The following KALRN variants were observed in gnomAD, a reference collection of about 807,000 sequenced individuals.
KALRN encodes kalirin RhoGEF kinase, also known as kalirin.
In KALRN, 70 loss-of-function variants were observed where a neutral mutation model predicts 353.7. That is an observed-to-expected ratio of 0.20 (90% CI 0.16 to 0.24). The LOEUF is 0.24. Among genes scored for constraint, KALRN ranks in the 10% least tolerant of loss-of-function variants. KALRN has a pLI of 1.00. For missense variants in KALRN, 2,791 were observed against 3,756.7 expected, an observed-to-expected ratio of 0.74 and a Z score of 6.72; for synonymous variants, 1,391 against 1,434.8, an observed-to-expected ratio of 0.97 and a Z score of 0.69.
chr3:124,341,749 T>A (rs2081744854), intron 9 of KALRN, among the ~76,000 whole-genome samples: 1 of 152,132 alleles, frequency 6.6e-6, no homozygotes, highest in Non-Finnish European at 1.5e-5. Flanking sequence ...GGTTGGAGTC[T>A]AGTGTGAGAG....
intron 33 of KALRN, among the ~76,000 whole-genome samples, chr3:124,534,147 G>T (rs1489953834): frequency 6.6e-6 from 1 of 152,148 alleles, no homozygotes; most frequent in Non-Finnish European, 1.5e-5. Context: ...CACCCAAGAG[G>T]ATTCTAAGAT....
At chr3:124,557,100 C>T (rs2071356314) in intron 33 of KALRN, among the ~76,000 whole-genome samples, 1 of 152,050 alleles carries the variant, frequency 6.6e-6, no homozygotes, top group Admixed American at 6.6e-5. Context: ...ATGTTAGATT[C>T]AAGGGTTACA....
At chr3:124,385,155 T>A in intron 11 of KALRN, 119 bp downstream of exon 11, 1 of 763,448 alleles carries the variant, frequency 1.3e-6, no homozygotes, top group Non-Finnish European at 2.0e-6. Flanking sequence ...ACTAACTTCC[T>A]AACTTTGGTA....
intron 38 of KALRN, 50 bp downstream of exon 38, chr3:124,650,988 G>C: frequency 6.2e-7 from 1 of 1,603,796 alleles, no homozygotes; most frequent in Non-Finnish European, 8.5e-7. Flanking sequence ...GAGTGCGGTG[G>C]ACAATGGACA....
intron 51 of KALRN, chr3:124,679,891 T>G (rs754525098): frequency 6.6e-6 from 2 of 302,452 alleles, no homozygotes; most frequent in South Asian, 6.6e-5. Flanking sequence ...TGACAAGGAC[T>G]CATTTCGTGT....
chr3:124,185,916 G>A (rs76955908), intron 1 of KALRN, among the ~76,000 whole-genome samples: 3,440 of 152,282 alleles, frequency 0.023, 143 homozygotes, highest in African/African-American at 0.078. Flanking sequence ...GGCAGGTGCT[G>A]GGTGGTGCCA....
chr3:124,659,728 G>T (rs1403863724), intron 43 of KALRN, among the ~76,000 whole-genome samples: 7 of 151,864 alleles, frequency 4.6e-5, no homozygotes. Context: ...TTCTTACTTT[G>T]TCTCAATCAT....
chr3:124,115,558 G>A (rs1405732969), intron 1 of KALRN, among the ~76,000 whole-genome samples: 2 of 152,184 alleles, frequency 1.3e-5, no homozygotes, highest in Non-Finnish European at 2.9e-5. Flanking sequence ...TATGGGTGGA[G>A]TCTTTCTGCC....
chr3:124,640,286 C>CTTT (rs71777187), intron 37 of KALRN, among the ~76,000 whole-genome samples: 12 of 127,468 alleles, frequency 9.4e-5, no homozygotes, highest in Admixed American at 4.2e-4. Flanking sequence ...TTCTTTCTTT[C>CTTT]TTTTTTTTTT....
intron 29 of KALRN, among the ~76,000 whole-genome samples, chr3:124,489,562 A>G (rs1343389032): frequency 6.6e-6 from 1 of 152,138 alleles, no homozygotes; most frequent in African/African-American, 2.4e-5. Context: ...CTGAGCAGGA[A>G]CCATCTCAAT....
rs2039139814 is a variant in KALRN at position 124,033,938 on chromosome 3, G to A, written c.73+125G>A. Among the ~76,000 whole-genome samples the A allele has an allele frequency of 6.6e-6, 1 of 152,138 alleles. No individual in the cohort carries two copies. Among genetic ancestry groups the A allele is most frequent in the Admixed American group, 6.5e-5 (1 of 15,284 alleles). ...CGTGTTGGGGGGCAGTGCCCCCTCG[G>A]CGTCGGGGCTGGAGTTGCCGAGATT... On this transcript the variant is annotated intron_variant, in intron 1 of 59. Coordinates refer to ENST00000682506, the MANE Select transcript of KALRN (RefSeq NM_001388419.1). This position sits in a 1 kb window ranked among gnomAD's most constrained non-coding sequence, Gnocchi z 6.2.
Position 124,454,738 on chromosome 3 carries a change from A to T in KALRN, c.3553-439A>T, listed in dbSNP as rs557545040. Among the ~76,000 whole-genome samples the T allele has an allele frequency of 5.3e-5, 8 of 152,080 alleles. No individual in the cohort carries two copies. In the South Asian group the frequency reaches 1.7e-3, roughly 32 times the overall value. On this transcript the variant is annotated intron_variant, in intron 21 of 59. Transcript: ENST00000682506. The stretch of plus-strand genomic sequence containing the variant: ...ACAGACTTTTTTTGTTCTTGTCATC[A>T]TTCCCTAAGCCATACGGAATAACAA...
At chr3:124,133,188 A>G (rs1385240689) in intron 1 of KALRN, among the ~76,000 whole-genome samples, 1 of 152,152 alleles carries the variant, frequency 6.6e-6, no homozygotes, top group African/African-American at 2.4e-5. Flanking sequence ...GGTGATTAAA[A>G]CTTCAGAACT....
intron 36 of KALRN, among the ~76,000 whole-genome samples, chr3:124,635,397 G>A (rs1465227324): frequency 7.2e-5 from 11 of 152,162 alleles, no homozygotes; most frequent in Non-Finnish European, 1.5e-4. Context: ...AGAAATGGAT[G>A]TTACATTGTT....
At chr3:124,673,449 G>A (rs926727899) in intron 48 of KALRN, among the ~76,000 whole-genome samples, 1 of 147,428 alleles carries the variant, frequency 6.8e-6, no homozygotes. Context: ...TATACATATA[G>A]AATATATATG....
rs60480732 is a variant in KALRN at position 124,314,793 on chromosome 3, C to T, written c.1093-11187C>T. Reference sequence around the variant, plus strand: ...TGCCTCAGCCTCTCAAGTAGCTGGACTACAGGTGTATGCCACCATGCTGGC... The same window carrying T: ...TGCCTCAGCCTCTCAAGTAGCTGGATTACAGGTGTATGCCACCATGCTGGC... On this transcript the variant is annotated intron_variant, in intron 6 of 59. Transcript: ENST00000682506. Among the ~76,000 whole-genome samples the T allele has an allele frequency of 5.4e-3, 815 of 152,028 alleles. 12 individuals carry two copies. Among genetic ancestry groups the T allele is most frequent in the African/African-American group, 0.019 (791 of 41,526 alleles).
intron 1 of KALRN, among the ~76,000 whole-genome samples, chr3:124,173,410 C>T (rs560146209): frequency 4.6e-5 from 7 of 152,300 alleles, no homozygotes; most frequent in African/African-American, 1.7e-4. Context: ...TGGGAATAAA[C>T]ACTAACTCTT....
rs373756906 is a variant in KALRN, at chr3:124,173,824, C to T, written c.74-54166C>T. 1.5e-4 allele frequency among the ~76,000 whole-genome samples: 23 copies of T among 152,116 alleles called. No homozygotes were observed. The Middle Eastern group carries it at 0.024, about 157-fold the overall frequency. ...AGAGATGGGGTTTCACCATGTTGGC[C>T]GGGATGGTCTCGAGCTCCTGACCTC... On this transcript the variant is annotated intron_variant, in intron 1 of 59. Transcript: ENST00000682506.
At chr3:124,452,952 C>T (rs2058943003) in intron 21 of KALRN, among the ~76,000 whole-genome samples, 1 of 152,056 alleles carries the variant, frequency 6.6e-6, no homozygotes, top group South Asian at 2.1e-4. Context: ...TATGTATTTC[C>T]AAGACTTTTC....
Sources: allele counts gnomAD v4.1 joint callset (sites outside exome capture counted in the v4.1 genomes callset), GRCh38; gene constraint gnomAD v4.1.1; non-coding constraint Gnocchi (gnomAD v3.1); transcripts MANE v1.5; gene names NCBI Gene and HGNC (gene_info 2026-07-23, HGNC 2026-07-21).